The following TMEM163 variants were observed in gnomAD, a reference collection of about 807,000 sequenced individuals.
TMEM163 encodes the protein transmembrane protein 163.
A neutral mutation model predicts 29.3 loss-of-function variants in TMEM163; 17 were observed. That is an observed-to-expected ratio of 0.58 (90% CI 0.40 to 0.87). TMEM163 has a LOEUF of 0.87. Ranked by LOEUF, TMEM163 falls within the 40% of genes least tolerant of loss-of-function variation. The pLI, the probability that TMEM163 is intolerant of heterozygous loss-of-function variation, is 0.00. For missense variants in TMEM163, 303 were observed against 381.5 expected (o/e 0.79, Z 1.71); for synonymous variants, 157 against 160.6 (o/e 0.98, Z 0.17).
intron 2 of TMEM163, among the ~76,000 whole-genome samples, chr2:134,623,432 A>G (rs1364297883): frequency 6.6e-6 from 1 of 152,132 alleles, no homozygotes; most frequent in Non-Finnish European, 1.5e-5. Flanking sequence ...CACGGGAAAA[A>G]CCAGAAAGTT....
Position 134,713,451 on chromosome 2 carries a change from C to T in TMEM163, c.203-132G>A. Reference sequence around the variant, plus strand: ...CAAGACGTGTTTTGTTTGGCCCACACTGTGTTTTAACAATTAGATTTCACA... The same window carrying T: ...CAAGACGTGTTTTGTTTGGCCCACATTGTGTTTTAACAATTAGATTTCACA... On this transcript the variant is annotated intron_variant, in intron 1 of 7. Transcript: ENST00000281924. 3.8e-6 allele frequency: 5 copies of T among 1,300,086 alleles called. No individual in the cohort carries two copies. In the South Asian group the frequency reaches 4.9e-5, roughly 13 times the overall value. 80.5% of individuals were successfully genotyped at this position (1,300,086 alleles called of 1,614,324 possible). A position where few individuals can be genotyped will look rare whatever the true frequency, so the allele number is the denominator to read the frequency against.
chr2:134,623,307 C>T (rs908807584), intron 2 of TMEM163, among the ~76,000 whole-genome samples: 7 of 152,170 alleles, frequency 4.6e-5, no homozygotes, highest in East Asian at 1.9e-4. Context: ...GCCACTCACC[C>T]GAGTCTACAT....
intron 2 of TMEM163, among the ~76,000 whole-genome samples, chr2:134,671,186 G>GGGA (rs1195391646): frequency 1.3e-5 from 2 of 152,170 alleles, no homozygotes; most frequent in African/African-American, 4.8e-5. Context: ...ACTGGCACCT[G>GGGA]GCCCGTAGTT....
At chr2:134,698,758 A>G (rs1240054101) in intron 2 of TMEM163, among the ~76,000 whole-genome samples, 2 of 152,214 alleles carry the variant, frequency 1.3e-5, no homozygotes, top group East Asian at 3.8e-4. Flanking sequence ...ATTTCCCAAC[A>G]TGTATTATGA....
At chr2:134,567,302 G>C (rs937455550) in intron 2 of TMEM163, among the ~76,000 whole-genome samples, 1 of 152,208 alleles carries the variant, frequency 6.6e-6, no homozygotes, top group Non-Finnish European at 1.5e-5. Flanking sequence ...CGTGCAGCGA[G>C]AGATTTAAGT....
chr2:134,708,935 G>A (rs1381752396), intron 2 of TMEM163, among the ~76,000 whole-genome samples: 1 of 152,166 alleles, frequency 6.6e-6, no homozygotes, highest in East Asian at 1.9e-4. Flanking sequence ...TCTGGGTTTG[G>A]AGTACTTTTT....
At chr2:134,711,268 C>T (rs1684920769) in intron 2 of TMEM163, among the ~76,000 whole-genome samples, 1 of 152,128 alleles carries the variant, frequency 6.6e-6, no homozygotes, top group Non-Finnish European at 1.5e-5. Flanking sequence ...ACCCTAACAA[C>T]ACAATCACAG....
chr2:134,555,703 C>T (rs76738677), intron 2 of TMEM163, among the ~76,000 whole-genome samples: 5,261 of 152,250 alleles, frequency 0.035, 328 homozygotes, highest in African/African-American at 0.12. Flanking sequence ...TGCAGCTGAG[C>T]TCCTATCTCT....
intron 2 of TMEM163, among the ~76,000 whole-genome samples, chr2:134,638,063 G>C (rs898549852): frequency 6.6e-5 from 10 of 152,232 alleles, no homozygotes; most frequent in Non-Finnish European, 1.3e-4. Context: ...CATCCTGTTT[G>C]TTTAACACAA....
chr2:134,658,843 C>T (rs1432274805), intron 2 of TMEM163, among the ~76,000 whole-genome samples: 1 of 152,162 alleles, frequency 6.6e-6, no homozygotes, highest in Non-Finnish European at 1.5e-5. Flanking sequence ...GTGATCCGCC[C>T]TCCTCAGCCT....
At chr2:134,583,590 G>A (rs751424781) in intron 2 of TMEM163, among the ~76,000 whole-genome samples, 23 of 152,174 alleles carry the variant, frequency 1.5e-4, no homozygotes, top group Non-Finnish European at 2.9e-4. Context: ...GGCCAATAAC[G>A]AAACTGAAGG....
rs1020651192 is a variant in TMEM163 at position 134,457,225 on chromosome 2, A to G, written c.810-449T>C. Among the ~76,000 whole-genome samples, 72 of 152,218 alleles carry G rather than the reference A, an allele frequency of 4.7e-4. 1 individual carries two copies. The highest frequency in any genetic ancestry group is 1.6e-3 in the African/African-American group (66 of 41,532). The stretch of plus-strand genomic sequence containing the variant: ...ATTGTGTTGCTTCTGCGTTTTGCCT[A>G]TTGTGAATAACTCTGCTGTGAATTT... On this transcript the variant is annotated intron_variant, in intron 7 of 7. Transcript: ENST00000281924.
intron 6 of TMEM163, 133 bp downstream of exon 6, chr2:134,465,981 G>A (rs563039450): frequency 4.0e-5 from 25 of 631,552 alleles, no homozygotes; most frequent in African/African-American, 7.4e-5. Context: ...AACTTGAGGC[G>A]GGTAGGAGAG....
chr2:134,697,844 A>C (rs1044660120), intron 2 of TMEM163, among the ~76,000 whole-genome samples: 1 of 152,144 alleles, frequency 6.6e-6, no homozygotes, highest in Non-Finnish European at 1.5e-5. Flanking sequence ...CTTATTAAAG[A>C]CTTTTTGTAT....
rs1352256515 is a variant in TMEM163 at position 134,465,198 on chromosome 2, A to AAAAAAAAAC, written c.667+915_667+916insGTTTTTTTT. Among the ~76,000 whole-genome samples, 228 of 144,380 alleles carry AAAAAAAAAC rather than the reference A, an allele frequency of 1.6e-3. 1 individual carries two copies. The highest frequency in any genetic ancestry group is 5.5e-3 in the African/African-American group (198 of 35,870). 94.7% of individuals were successfully genotyped at this position (144,380 alleles called of 152,430 possible). A position where few individuals can be genotyped will look rare whatever the true frequency, so the allele number is the denominator to read the frequency against. On this transcript the variant is annotated intron_variant, in intron 6 of 7. Coordinates refer to ENST00000281924, the MANE Select transcript of TMEM163 (RefSeq NM_030923.5). ...GGTGAGTCCGCATCTTTAAAAAAAA[A>AAAAAAAAAC]AAAAACAAAAACAAAACAAAAATAT...
intron 2 of TMEM163, among the ~76,000 whole-genome samples, chr2:134,662,009 G>A (rs1683765553): frequency 7.3e-6 from 1 of 136,076 alleles, no homozygotes; most frequent in African/African-American, 2.8e-5. Flanking sequence ...TAGGCTCACT[G>A]TAAGCTCCAC....
chr2:134,504,302 G>A (rs1253583378), intron 4 of TMEM163, among the ~76,000 whole-genome samples: 2 of 152,074 alleles, frequency 1.3e-5, no homozygotes, highest in Non-Finnish European at 1.5e-5. Context: ...AAGCAAAGAC[G>A]GAATCATCGC....
At chr2:134,636,834 A>G (rs13399952) in intron 2 of TMEM163, among the ~76,000 whole-genome samples, 72,080 of 152,070 alleles carry the variant, frequency 0.47, 18,028 homozygotes, top group Non-Finnish European at 0.56. Flanking sequence ...ATCAGCTGGT[A>G]CCATCCAAAT....
chr2:134,670,705 C>T (rs1683976690), intron 2 of TMEM163, among the ~76,000 whole-genome samples: 2 of 152,168 alleles, frequency 1.3e-5, no homozygotes, highest in Non-Finnish European at 2.9e-5. Flanking sequence ...TGTCATGGGA[C>T]CCCAGAGCTT....
Sources: allele counts gnomAD v4.1 joint callset (sites outside exome capture counted in the v4.1 genomes callset), GRCh38; gene constraint gnomAD v4.1.1; transcripts MANE v1.5; gene names NCBI Gene and HGNC (gene_info 2026-07-23, HGNC 2026-07-21).